The following PDE3B variants were observed in gnomAD, a reference collection of about 807,000 sequenced individuals.
The protein encoded by PDE3B is cGMP-inhibited 3',5'-cyclic phosphodiesterase 3B.
PDE3B carries 66 observed loss-of-function variants against 116.8 expected under a neutral mutation model. The ratio of observed to expected loss-of-function variants is 0.56; its 90% CI spans 0.46 to 0.69. The LOEUF is 0.69. Ranked by LOEUF, PDE3B falls within the 30% of genes least tolerant of loss-of-function variation. The pLI, the probability that PDE3B is intolerant of heterozygous loss-of-function variation, is 0.00. For missense variants in PDE3B, 1,384 were observed against 1,368.1 expected, an observed-to-expected ratio of 1.01 and a Z score of -0.18; for synonymous variants, 595 against 533.6, an observed-to-expected ratio of 1.12 and a Z score of -1.59.
chr11:14,818,505 T>A, intron 6 of PDE3B, 112 bp downstream of exon 6: 1 of 654,948 alleles, frequency 1.5e-6, no homozygotes, highest in South Asian at 2.0e-5. Flanking sequence ...ATGACCATAG[T>A]TTTTTTCGGT....
the PDE3B span, chr11:14,887,017 C>A: frequency 6.6e-6 from 1 of 152,186 alleles, no homozygotes; most frequent in Non-Finnish European, 1.5e-5. Context: ...GGACTGCCTG[C>A]CATAAGCAGT....
At chr11:14,661,969 G>C (rs1437082805) in intron 1 of PDE3B, among the ~76,000 whole-genome samples, 5 of 152,110 alleles carry the variant, frequency 3.3e-5, no homozygotes, top group Non-Finnish European at 5.9e-5. Flanking sequence ...CTCCCAGCAC[G>C]CAGCTGGAGA....
intron 13 of PDE3B, among the ~76,000 whole-genome samples, chr11:14,859,554 T>A (rs1847909459): frequency 6.6e-6 from 1 of 152,206 alleles, no homozygotes; most frequent in African/African-American, 2.4e-5. Flanking sequence ...TTATTTCAAA[T>A]GAGTTTAAAG....
In PDE3B at chr11:14,871,114, A is replaced by C. The variant is rs1180424632; in HGVS notation, c.*1454A>C. The C allele has an allele frequency of 1.3e-5, 2 of 152,200 alleles. No homozygotes were observed. Among genetic ancestry groups the C allele is most frequent in the Non-Finnish European group, 2.9e-5 (2 of 68,020 alleles). 9.4% of individuals were successfully genotyped at this position (152,200 alleles called of 1,614,324 possible). On this transcript the variant is annotated 3_prime_UTR_variant, in exon 16 of 16. Coordinates refer to ENST00000282096, the MANE Select transcript of PDE3B (RefSeq NM_000922.4). ...TAATTTTCCAAGGTAATTCCTTTAG[A>C]ATATGGTATTGGCATGCAGTTTCTT...
chr11:14,727,527 T>C (rs1377870386), intron 1 of PDE3B, among the ~76,000 whole-genome samples: 1 of 152,178 alleles, frequency 6.6e-6, no homozygotes, highest in Admixed American at 6.5e-5. Context: ...CTTCTAATTA[T>C]GTTAAACTAA....
rs536799125 is a variant in PDE3B at position 14,644,215 on chromosome 11, T to C, written c.140T>C (p.Phe47Ser). 6.3e-7 allele frequency: 1 copy of C among 1,592,850 alleles called. No individual in the cohort carries two copies. The highest frequency in any genetic ancestry group is 1.4e-5 in the African/African-American group (1 of 73,786). Residue 47 changes from phenylalanine to serine, a missense_variant, in exon 1 of 16, where the codon TTC becomes TCC. Around this residue, in one of 2 missense-constraint regions of PDE3B, gnomAD observed 956 missense variants for 806.8 expected, o/e 1.18. Transcript: ENST00000282096. ...SPLRQDPPRG[F>S]FFHLCRFCNV... ...TTGCGGCAGGACCCTCCGCGCGGCTTCTTCTTCCACCTCTGCCGCTTCTGC... is the reference window on the plus strand; with the variant it reads ...TTGCGGCAGGACCCTCCGCGCGGCTCCTTCTTCCACCTCTGCCGCTTCTGC...
chr11:14,669,024 G>T (rs900813014), intron 1 of PDE3B, among the ~76,000 whole-genome samples: 1 of 152,166 alleles, frequency 6.6e-6, no homozygotes, highest in Non-Finnish European at 1.5e-5. Flanking sequence ...AGTAGGGAGA[G>T]TTTATGAAGG....
intron 1 of PDE3B, among the ~76,000 whole-genome samples, chr11:14,665,128 A>T (rs2133769927): frequency 6.6e-6 from 1 of 152,344 alleles, no homozygotes; most frequent in East Asian, 1.9e-4. Flanking sequence ...CAAATCAATA[A>T]ATGTAATCCA....
intron 1 of PDE3B, among the ~76,000 whole-genome samples, chr11:14,700,408 CTG>C (rs2133816726): frequency 6.6e-6 from 1 of 150,528 alleles, no homozygotes; most frequent in Admixed American, 6.6e-5. Context: ...TGCTGTAAAA[CTG>C]TCAAAAATAA....
intron 1 of PDE3B, among the ~76,000 whole-genome samples, chr11:14,692,630 T>G (rs577969003): frequency 1.1e-4 from 17 of 152,246 alleles, no homozygotes; most frequent in African/African-American, 3.6e-4. Context: ...CTACTGTAAT[T>G]GTTTTGGGGC....
In PDE3B at chr11:14,644,689, G is replaced by GGCT. The variant is rs1565069329; in HGVS notation, c.622_624dup (p.Leu208dup). ...TTGCTGCTGGTGCTGAGCTGCGTAG[G>GGCT]GCTGCTGCTGACGCTCGCGCACCCG... On this transcript the variant is annotated inframe_insertion, in exon 1 of 16. Coordinates refer to ENST00000282096, the MANE Select transcript of PDE3B (RefSeq NM_000922.4). 5.9e-6 allele frequency: 9 copies of GGCT among 1,514,166 alleles called. No homozygotes were observed. Among genetic ancestry groups the GGCT allele is most frequent in the Non-Finnish European group, 6.2e-6 (7 of 1,133,738 alleles). 93.8% of individuals were successfully genotyped at this position (1,514,166 alleles called of 1,614,324 possible).
intron 14 of PDE3B, 57 bp downstream of exon 14, chr11:14,861,423 C>G: frequency 6.7e-7 from 1 of 1,497,864 alleles, no homozygotes; most frequent in South Asian, 1.2e-5. Context: ...GAAGACACTA[C>G]TCTTTGGGTT....
chr11:14,644,302 G>A lies in PDE3B; in HGVS notation c.227G>A (p.Cys76Tyr). Reference protein sequence around the residue: ...PQQPRRCSPFCRARLSLGALA... With the variant: ...PQQPRRCSPFYRARLSLGALA... Reference sequence around the variant, plus strand: ...CAGCCGCGGCGCTGCTCCCCCTTCTGCCGGGCGCGCCTCTCGCTGGGCGCC... The same window carrying A: ...CAGCCGCGGCGCTGCTCCCCCTTCTACCGGGCGCGCCTCTCGCTGGGCGCC... The change falls in exon 1 of 16, where the codon TGC becomes TAC. Residue 76 changes from cysteine to tyrosine, a missense_variant. Around this residue, in one of 2 missense-constraint regions of PDE3B, gnomAD observed 956 missense variants for 806.8 expected, o/e 1.18. Transcript: ENST00000282096. The A allele has an allele frequency of 6.4e-7, 1 of 1,563,554 alleles. No individual in the cohort carries two copies. Among genetic ancestry groups the A allele is most frequent in the South Asian group, 1.2e-5 (1 of 86,454 alleles).
intron 2 of PDE3B, chr11:14,776,288 C>G (rs907089744): frequency 6.6e-6 from 1 of 152,266 alleles, no homozygotes. Context: ...GAAGCATTCT[C>G]CTTCCCTCCT....
In PDE3B at chr11:14,735,511, C is replaced by T. The variant is rs546521505; in HGVS notation, c.979-36426C>T. On this transcript the variant is annotated intron_variant, in intron 1 of 15. Transcript: ENST00000282096. The stretch of plus-strand genomic sequence containing the variant: ...AAATATAAGGGGATATTCTCCAGAA[C>T]GAAAAGGTGAAAGAAAACACCTCAT... Among the ~76,000 whole-genome samples, 35 of 152,188 alleles carry T rather than the reference C, an allele frequency of 2.3e-4. No homozygotes were observed. In the South Asian group the frequency reaches 6.2e-3, roughly 27 times the overall value.
chr11:14,855,935 AG>A (rs1457676399), intron 12 of PDE3B, among the ~76,000 whole-genome samples: 6 of 152,238 alleles, frequency 3.9e-5, no homozygotes, highest in Non-Finnish European at 8.8e-5. Flanking sequence ...CAGCAGAAGA[AG>A]GGTGGTAACT....
At chr11:14,757,439 T>C (rs1268112575) in intron 1 of PDE3B, among the ~76,000 whole-genome samples, 1 of 151,520 alleles carries the variant, frequency 6.6e-6, no homozygotes, top group Non-Finnish European at 1.5e-5. Flanking sequence ...AGTGTTCCTA[T>C]TTCTCCACAT....
intron 11 of PDE3B, among the ~76,000 whole-genome samples, chr11:14,836,885 C>T (rs1244822637): frequency 1.3e-5 from 2 of 152,240 alleles, no homozygotes; most frequent in Non-Finnish European, 2.9e-5. Context: ...TCTCGGCTCA[C>T]CGCAACCTCC....
At chr11:14,710,618 A>G (rs1178451102) in intron 1 of PDE3B, among the ~76,000 whole-genome samples, 2 of 152,190 alleles carry the variant, frequency 1.3e-5, no homozygotes, top group African/African-American at 4.8e-5. Context: ...ACTACCATCT[A>G]ATTCCATATG....
Sources: gnomAD v4.1 joint callset for allele counts (sites outside exome capture counted in the v4.1 genomes callset) on GRCh38, gnomAD v4.1.1 for gene constraint, gnomAD v4.1.1 regional missense constraint, MANE v1.5 for transcripts, NCBI Gene and HGNC (gene_info 2026-07-23, HGNC 2026-07-21) for gene names.